Variants in GPR19 observed in about 807,000 individuals in gnomAD.
GPR19 encodes probable G protein-coupled receptor 19.
In GPR19, 14 loss-of-function variants were observed where a neutral mutation model predicts 28.5. The ratio of observed to expected loss-of-function variants is 0.49; its 90% CI spans 0.32 to 0.77. The LOEUF is 0.77. GPR19 is among the 30% of genes least tolerant of loss of function. The probability of loss-of-function intolerance (pLI) is 0.03; values close to 1 mark genes in which losing one functional copy is unlikely to be tolerated. For synonymous variants in GPR19, 173 were observed against 184.1 expected (o/e 0.94, Z 0.49); for missense variants, 409 against 504.1 (o/e 0.81, Z 1.81).
chr12:12,689,444 A>C (rs1356193629), intron 2 of GPR19, among the ~76,000 whole-genome samples: 1 of 152,086 alleles, frequency 6.6e-6, no homozygotes, highest in Non-Finnish European at 1.5e-5. Context: ...CTTCCCCCCA[A>C]ACAAATGAAA....
At chr12:12,692,180 G>C (rs780927084) in intron 2 of GPR19, among the ~76,000 whole-genome samples, 1 of 152,170 alleles carries the variant, frequency 6.6e-6, no homozygotes, top group Non-Finnish European at 1.5e-5. Flanking sequence ...AGGTATTAAA[G>C]ACTGATTCCT....
intron 3 of GPR19, among the ~76,000 whole-genome samples, chr12:12,681,181 G>C (rs923846076): frequency 3.3e-5 from 5 of 152,120 alleles, no homozygotes; most frequent in Non-Finnish European, 7.4e-5. Context: ...AAGAAACTAC[G>C]TCCACACTCT....
At chr12:12,716,731 T>C in the GPR19 span, 680 of 985,254 alleles carry the variant, frequency 6.9e-4, 5 homozygotes, top group African/African-American at 0.011. Flanking sequence ...CGCTTTGGCT[T>C]CTTCCCTAGG....
At chr12:12,674,289 A>AG in intron 3 of GPR19, among the ~76,000 whole-genome samples, 1 of 151,060 alleles carries the variant, frequency 6.6e-6, no homozygotes, top group Admixed American at 6.6e-5. Context: ...AAAAAAAAAA[A>AG]AAGTAAAAAT....
upstream of GPR19, among the ~76,000 whole-genome samples, chr12:12,699,174 C>G (rs111909987): frequency 0.14 from 21,966 of 151,688 alleles, 1,851 homozygotes; most frequent in Admixed American, 0.25. Flanking sequence ...AACCCTGTCT[C>G]TACTAAAAAT....
chr12:12,693,396 G>A (rs1356643304), intron 2 of GPR19, among the ~76,000 whole-genome samples: 1 of 152,178 alleles, frequency 6.6e-6, no homozygotes, highest in African/African-American at 2.4e-5. Flanking sequence ...GGTATTGCAG[G>A]TTGTAAAGAT....
intron 3 of GPR19, among the ~76,000 whole-genome samples, chr12:12,666,755 TACTC>T (rs1417028135): frequency 6.6e-6 from 1 of 152,244 alleles, no homozygotes; most frequent in Non-Finnish European, 1.5e-5. Context: ...AAATGACTCT[TACTC>T]TATGTGCCTC....
chr12:12,698,157 C>T (rs747377995), upstream of GPR19, among the ~76,000 whole-genome samples: 14 of 152,078 alleles, frequency 9.2e-5, no homozygotes, highest in Non-Finnish European at 1.5e-4. Flanking sequence ...CTTTGAGACT[C>T]CTAGTTCATT....
upstream of GPR19, among the ~76,000 whole-genome samples, chr12:12,699,880 T>C (rs1345234057): frequency 6.6e-6 from 1 of 152,192 alleles, no homozygotes; most frequent in African/African-American, 2.4e-5. Context: ...GAGTCTATTA[T>C]CATAGTCACA....
At chr12:12,713,650 A>AGCCTC in the GPR19 span, among the ~76,000 whole-genome samples, 4 of 152,104 alleles carry the variant, frequency 2.6e-5, no homozygotes, top group Non-Finnish European at 5.9e-5. Flanking sequence ...ATCCTGCCTC[A>AGCCTC]GCCTCCTGAG....
At chr12:12,696,251 G>A (rs955096950), upstream of GPR19, 4 of 151,766 alleles carry the variant, frequency 2.6e-5, no homozygotes, top group African/African-American at 7.3e-5. Flanking sequence ...CACTCCCGGG[G>A]TGGCGCTTCT....
intron 2 of GPR19, among the ~76,000 whole-genome samples, chr12:12,692,166 T>A (rs1946190594): frequency 6.6e-6 from 1 of 152,246 alleles, no homozygotes; most frequent in Non-Finnish European, 1.5e-5. Flanking sequence ...TCCCTGTACC[T>A]CACAGGTATT....
At chr12:12,700,153 C>T (rs561727522), upstream of GPR19, among the ~76,000 whole-genome samples, 15 of 21,102 alleles carry the variant, frequency 7.1e-4, no homozygotes, top group Admixed American at 3.7e-3. Flanking sequence ...TTTTTTCTCT[C>T]TCTTTCTTTC....
At chr12:12,687,692 T>C (rs1307397211) in intron 2 of GPR19, among the ~76,000 whole-genome samples, 1 of 152,214 alleles carries the variant, frequency 6.6e-6, no homozygotes, top group East Asian at 1.9e-4. Context: ...AATAATTAGG[T>C]AACAAATCCT....
At chr12:12,675,448 A>C (rs555831987) in intron 3 of GPR19, among the ~76,000 whole-genome samples, 17 of 152,322 alleles carry the variant, frequency 1.1e-4, no homozygotes, top group Admixed American at 9.8e-4. Context: ...TCCATGCCCT[A>C]ATCCCTGGAA....
At chr12:12,695,836 A>C (rs1403687306) in intron 1 of GPR19, among the ~76,000 whole-genome samples, 1 of 151,936 alleles carries the variant, frequency 6.6e-6, no homozygotes, top group Non-Finnish European at 1.5e-5. Flanking sequence ...TTATCTCTCA[A>C]ATCTTCCCAT....
chr12:12,713,517 G>C, the GPR19 span, among the ~76,000 whole-genome samples: 1 of 151,734 alleles, frequency 6.6e-6, no homozygotes, highest in Non-Finnish European at 1.5e-5. Context: ...ATGTCTTCAG[G>C]GCTTCTCTCA....
intron 3 of GPR19, among the ~76,000 whole-genome samples, chr12:12,665,899 T>C (rs893455733): frequency 5.9e-5 from 8 of 136,580 alleles, no homozygotes; most frequent in African/African-American, 2.3e-4. Flanking sequence ...AATTTGATAA[T>C]AATTATAATT....
At chr12:12,712,540 A>C in the GPR19 span, among the ~76,000 whole-genome samples, 7 of 152,148 alleles carry the variant, frequency 4.6e-5, no homozygotes, top group Admixed American at 4.6e-4. Context: ...CTACCAATTC[A>C]TCCTCATAAT....
Sources: gnomAD v4.1 joint callset for allele counts (sites outside exome capture counted in the v4.1 genomes callset) on GRCh38, gnomAD v4.1.1 for gene constraint, MANE v1.5 for transcripts, NCBI Gene and HGNC (gene_info 2026-07-23, HGNC 2026-07-21) for gene names.